The following NGFR variants were observed in gnomAD, a reference collection of about 807,000 sequenced individuals.
NGFR encodes tumor necrosis factor receptor superfamily member 16.
In NGFR, 30 loss-of-function variants were observed where a neutral mutation model predicts 43.2. The observed-to-expected ratio is 0.69, with a 90% CI of 0.52 to 0.94. NGFR has a LOEUF of 0.94. NGFR is among the 40% of genes least tolerant of loss of function. The pLI, the probability that NGFR is intolerant of heterozygous loss-of-function variation, is 0.00. For synonymous variants in NGFR, 246 were observed against 259.6 expected (o/e 0.95, Z 0.50); for missense variants, 529 against 602.5 (o/e 0.88, Z 1.28).
chr17:49,506,885 T>C (rs1263272116), intron 3 of NGFR, among the ~76,000 whole-genome samples: 1 of 152,220 alleles, frequency 6.6e-6, no homozygotes, highest in Non-Finnish European at 1.5e-5. Context: ...CTGTGTTACC[T>C]TCTTTGGGCT....
At chr17:49,502,000 A>AGGGGGCCCCCCCCCCC in intron 1 of NGFR, 63 bp from the exon 2 acceptor site, 1 of 264,886 alleles carries the variant, frequency 3.8e-6, no homozygotes, top group Non-Finnish European at 7.9e-6. Flanking sequence ...CCCCGGAAGA[A>AGGGGGCCCCCCCCCCC]CCCCCCCCAA....
At chr17:49,497,354 C>G (rs2143419012) in intron 1 of NGFR, 1 of 152,490 alleles carries the variant, frequency 6.6e-6, no homozygotes, top group East Asian at 1.9e-4. Flanking sequence ...ACTAACGCCG[C>G]TGGTTAGAGA....
At chr17:49,501,999 A>AGGGGCCCCCCCCCCCCCCCCCCCC in intron 1 of NGFR, 64 bp from the exon 2 acceptor site, 3 of 330,980 alleles carry the variant, frequency 9.1e-6, no homozygotes, top group African/African-American at 2.2e-5. Context: ...TCCCCGGAAG[A>AGGGGCCCCCCCCCCCCCCCCCCCC]ACCCCCCCCA....
intron 4 of NGFR, chr17:49,510,958 C>G: frequency 1.9e-5 from 8 of 429,218 alleles, no homozygotes; most frequent in South Asian, 5.8e-5. Flanking sequence ...GTCCTCATCC[C>G]CAACCTCCTT....
Position 49,512,626 on chromosome 17 carries a change from C to A in NGFR, c.983-82C>A. On this transcript the variant is annotated intron_variant, in intron 5 of 5. Coordinates refer to ENST00000172229, the MANE Select transcript of NGFR (RefSeq NM_002507.4). The surrounding 1 kb of genome is among the most constrained non-coding windows in gnomAD (Gnocchi z 5.2). ...GATGGGGAGGAGCACTGCCTCGGCC[C>A]TTCTTGGGTCTCACCCCAGTGCCCA... The A allele has an allele frequency of 6.7e-7, 1 of 1,487,972 alleles. No homozygotes were observed. The highest frequency in any genetic ancestry group is 9.0e-7 in the Non-Finnish European group (1 of 1,109,122). 92.2% of individuals were successfully genotyped at this position (1,487,972 alleles called of 1,614,324 possible). A position where few individuals can be genotyped will look rare whatever the true frequency, so the allele number is the denominator to read the frequency against.
At position 49,503,074 on chromosome 17, in the gene NGFR, C is replaced by G. The variant is rs542225627; in HGVS notation, c.208+870C>G. On this transcript the variant is annotated intron_variant, in intron 2 of 5. Transcript: ENST00000172229. ...GGGACTACGGGTGCATGCATGCCAC[C>G]ATGCCTGGCTAATTCTTGTATTTGT... 2.6e-5 allele frequency among the ~76,000 whole-genome samples: 4 copies of G among 152,268 alleles called. No individual in the cohort carries two copies. In the East Asian group the frequency reaches 7.7e-4, roughly 29 times the overall value.
In NGFR at chr17:49,512,994, C is replaced by T. The variant is rs2071244694; in HGVS notation, c.1269C>T (p.Ala423=). 6 of 1,576,340 alleles carry T rather than the reference C, an allele frequency of 3.8e-6. No homozygotes were observed. The highest frequency in any genetic ancestry group is 5.2e-6 in the Non-Finnish European group (6 of 1,159,640). The change falls in exon 6 of 6, where the codon GCC becomes GCT. Residue 423 remains alanine, a synonymous_variant. Coordinates refer to ENST00000172229, the MANE Select transcript of NGFR (RefSeq NM_002507.4). This position sits in a 1 kb window ranked among gnomAD's most constrained non-coding sequence, Gnocchi z 5.2. The part of the protein sequence containing the change: ...LVESLCSEST[A]TSPV Reference sequence around the variant, plus strand: ...AGAGTCTGTGCAGTGAGTCCACTGCCACATCCCCGGTGTGAGCCCAACCGG... The same window carrying T: ...AGAGTCTGTGCAGTGAGTCCACTGCTACATCCCCGGTGTGAGCCCAACCGG...
Position 49,513,270 on chromosome 17 carries a change from C to T in NGFR, c.*261C>T, listed in dbSNP as rs1020509284. The T allele has an allele frequency of 2.0e-6, 1 of 488,358 alleles. No homozygotes were observed. The highest frequency in any genetic ancestry group is 3.6e-6 in the Non-Finnish European group (1 of 277,254). The allele number at this position is 488,358 out of a possible 1,614,324, so 30.3% of individuals were successfully genotyped here. A position where few individuals can be genotyped will look rare whatever the true frequency, so the allele number is the denominator to read the frequency against. ...CCCAACCCTGCCCCTGCCCCGTCAC[C>T]ATCTCAGGCCACCTGCCCCCTTCTC... On this transcript the variant is annotated 3_prime_UTR_variant, in exon 6 of 6. Transcript: ENST00000172229.
chr17:49,505,123 C>T (rs1052363767), intron 2 of NGFR, among the ~76,000 whole-genome samples: 43 of 152,088 alleles, frequency 2.8e-4, no homozygotes, highest in African/African-American at 1.0e-3. Context: ...CCTTCTTTGC[C>T]TCCTCATCCC....
In NGFR at chr17:49,506,585, G is replaced by C; in HGVS notation, c.495G>C (p.Leu165=). The change falls in exon 3 of 6, where the codon CTG becomes CTC. Residue 165 remains leucine (L), a synonymous_variant. Coordinates refer to ENST00000172229, the MANE Select transcript of NGFR (RefSeq NM_002507.4). ...AGGCCAACCACGTGGACCCGTGCCT[G>C]CCCTGCACCGTGTGCGAGGACACCG... ...SDEANHVDPC[L]PCTVCEDTER... 2 of 1,610,218 alleles carry C rather than the reference G, an allele frequency of 1.2e-6. No homozygotes were observed. Among genetic ancestry groups the C allele is most frequent in the Non-Finnish European group, 1.7e-6 (2 of 1,178,992 alleles).
intron 2 of NGFR, among the ~76,000 whole-genome samples, chr17:49,503,151 C>T (rs1032735751): frequency 1.3e-5 from 2 of 152,082 alleles, no homozygotes; most frequent in Non-Finnish European, 2.9e-5. Flanking sequence ...AACTTCTGGC[C>T]TCAAGTGATC....
chr17:49,504,272 C>A (rs1338007584), intron 2 of NGFR, among the ~76,000 whole-genome samples: 1 of 152,212 alleles, frequency 6.6e-6, no homozygotes, highest in East Asian at 1.9e-4. Context: ...GCAGGCTTCT[C>A]CTCTTCCCCT....
intron 1 of NGFR, among the ~76,000 whole-genome samples, chr17:49,498,604 T>C (rs1170387068): frequency 6.6e-6 from 1 of 152,246 alleles, no homozygotes; most frequent in East Asian, 1.9e-4. Flanking sequence ...TTTCTCTCTT[T>C]TCTCTAATTA....
intron 2 of NGFR, among the ~76,000 whole-genome samples, chr17:49,504,689 C>T (rs1567739050): frequency 6.6e-6 from 1 of 151,972 alleles, no homozygotes; most frequent in Non-Finnish European, 1.5e-5. Context: ...TGTCAGAATT[C>T]ACTTGAAACT....
chr17:49,500,237 T>C (rs1468389470), intron 1 of NGFR, among the ~76,000 whole-genome samples: 3 of 152,114 alleles, frequency 2.0e-5, no homozygotes, highest in African/African-American at 4.8e-5. Context: ...GCCACCATGG[T>C]GAAAAGCAAA....
intron 3 of NGFR, among the ~76,000 whole-genome samples, chr17:49,509,031 C>T (rs1255677432): frequency 3.9e-5 from 6 of 152,208 alleles, no homozygotes; most frequent in African/African-American, 1.4e-4. Context: ...CAGTCCAATG[C>T]TCCACCTGGG....
Position 49,512,028 on chromosome 17 carries a change from C to A in NGFR, c.958C>A (p.His320Asn), listed in dbSNP as rs772949480. 5 of 1,613,670 alleles carry A rather than the reference C, an allele frequency of 3.1e-6. No homozygotes were observed. In the South Asian group the frequency reaches 5.5e-5, roughly 18 times the overall value. ...DSQSLHDQQP[H>N]TQTASGQALK... The stretch of plus-strand genomic sequence containing the variant: ...CCAGAGCCTGCATGACCAGCAGCCC[C>A]ACACGCAGACAGCCTCGGGCCAGGG... Residue 320 changes from histidine to asparagine, a missense_variant, in exon 5 of 6, where the codon CAC becomes AAC. By Grantham distance (68) the His-to-Asn change is moderately conservative (BLOSUM62 1). Transcript: ENST00000172229. This position sits in a 1 kb window ranked among gnomAD's most constrained non-coding sequence, Gnocchi z 5.2.
intron 3 of NGFR, 37 bp downstream of exon 3, chr17:49,506,695 CG>C: frequency 9.3e-6 from 1 of 107,838 alleles, no homozygotes. Flanking sequence ...AGTGGGGGTG[CG>C]GGGGTGGGCT....
At chr17:49,506,680 GGGGGAGTGGGGGT>G in intron 3 of NGFR, 22 bp downstream of exon 3, 12 of 1,172,870 alleles carry the variant, frequency 1.0e-5, no homozygotes, top group South Asian at 3.6e-5. Context: ...TCGGGGGGCG[GGGGGAGTGGGGGT>G]GCGGGGGTGG....
Sources: allele counts gnomAD v4.1 joint callset (sites outside exome capture counted in the v4.1 genomes callset), GRCh38; gene constraint gnomAD v4.1.1; non-coding constraint Gnocchi (gnomAD v3.1); transcripts MANE v1.5; gene names NCBI Gene and HGNC (gene_info 2026-07-23, HGNC 2026-07-21).